The following ADGRG7 variants were observed in gnomAD, a reference collection of about 807,000 sequenced individuals.
ADGRG7 encodes G-protein coupled receptor 128.
A neutral mutation model predicts 88.6 loss-of-function variants in ADGRG7; 82 were observed. The ratio of observed to expected loss-of-function variants is 0.93; its 90% CI spans 0.77 to 1.11. The LOEUF (loss-of-function observed/expected upper bound fraction) is 1.11, where lower values mean the gene tolerates loss of function less well. Ranked by LOEUF, ADGRG7 falls within the 50% of genes most tolerant of loss-of-function variation. ADGRG7 has a pLI of 0.00. For synonymous variants in ADGRG7, 381 were observed against 345.2 expected, an observed-to-expected ratio of 1.10 and a Z score of -1.15; for missense variants, 945 against 953.4, an observed-to-expected ratio of 0.99 and a Z score of 0.12.
chr3:100,639,197 G>A (rs73145123), intron 6 of ADGRG7, among the ~76,000 whole-genome samples: 9,681 of 151,998 alleles, frequency 0.064, 542 homozygotes, highest in East Asian at 0.25. Flanking sequence ...CATTATATGT[G>A]TAAACTTTTA....
Position 100,654,947 on chromosome 3 carries a change from A to G in ADGRG7, c.1492A>G (p.Thr498Ala). Residue 498 changes from threonine (T) to alanine (A), a missense_variant, in exon 12 of 16, where the codon ACA (threonine) becomes GCA (alanine). By Grantham distance (58) the Thr-to-Ala change is moderately conservative. Coordinates refer to ENST00000273352, the MANE Select transcript of ADGRG7 (RefSeq NM_032787.3). ...GIENSNKNLQ[T>A]SDGDINNIDF... ...TGAAAACTCCAATAAGAACTTGCAGACAAGTGATGGTGACATCAATAATAT... is the reference window on the plus strand; with the variant it reads ...TGAAAACTCCAATAAGAACTTGCAGGCAAGTGATGGTGACATCAATAATAT... 4.3e-6 allele frequency: 7 copies of G among 1,614,008 alleles called. No homozygotes were observed. Among genetic ancestry groups the G allele is most frequent in the Non-Finnish European group, 5.1e-6 (6 of 1,179,848 alleles).
Position 100,636,750 on chromosome 3 carries a change from G to T in ADGRG7, c.598-552G>T, listed in dbSNP as rs191286370. Among the ~76,000 whole-genome samples, 270 of 152,306 alleles carry T rather than the reference G, an allele frequency of 1.8e-3. 1 individual carries two copies. Among genetic ancestry groups the T allele is most frequent in the African/African-American group, 6.1e-3 (253 of 41,566 alleles). Reference sequence around the variant, plus strand: ...ATTGACCTCCAAATGTAGAATTAATGGAAGGATTAACAAGTAGGCAGAAGG... The same window carrying T: ...ATTGACCTCCAAATGTAGAATTAATTGAAGGATTAACAAGTAGGCAGAAGG... On this transcript the variant is annotated intron_variant, in intron 5 of 15. Coordinates refer to ENST00000273352, the MANE Select transcript of ADGRG7 (RefSeq NM_032787.3).
chr3:100,675,326 T>A (rs535539834), intron 15 of ADGRG7, among the ~76,000 whole-genome samples: 14 of 152,188 alleles, frequency 9.2e-5, no homozygotes, highest in African/African-American at 1.7e-4. Context: ...TTTTATAAAA[T>A]TTTTTTTAGC....
intron 15 of ADGRG7, among the ~76,000 whole-genome samples, chr3:100,685,984 C>T (rs1362777790): frequency 2.0e-5 from 3 of 150,824 alleles, no homozygotes; most frequent in African/African-American, 4.8e-5. Context: ...AGTTTACAGT[C>T]CCACCAACAG....
chr3:100,640,114 C>T (rs1707613853), intron 6 of ADGRG7, among the ~76,000 whole-genome samples: 1 of 152,210 alleles, frequency 6.6e-6, no homozygotes, highest in Non-Finnish European at 1.5e-5. Flanking sequence ...GTCAGGTCAA[C>T]AACCCTTTAG....
intron 13 of ADGRG7, among the ~76,000 whole-genome samples, chr3:100,656,296 G>A (rs2094937436): frequency 6.6e-6 from 1 of 152,018 alleles, no homozygotes; most frequent in Admixed American, 6.5e-5. Flanking sequence ...ATTATCCTTA[G>A]TAATCCTATA....
chr3:100,618,675 G>T (rs1363609750), intron 1 of ADGRG7, among the ~76,000 whole-genome samples: 1 of 152,096 alleles, frequency 6.6e-6, no homozygotes, highest in African/African-American at 2.4e-5. Flanking sequence ...TGTTCTTTTG[G>T]CTTAGGATTG....
intron 15 of ADGRG7, among the ~76,000 whole-genome samples, chr3:100,686,691 T>A (rs1377649003): frequency 6.6e-6 from 1 of 152,208 alleles, no homozygotes; most frequent in East Asian, 1.9e-4. Context: ...GTTGTAGATA[T>A]GTGGCATTAT....
chr3:100,619,356 C>T (rs559848100), intron 1 of ADGRG7, among the ~76,000 whole-genome samples: 13 of 152,058 alleles, frequency 8.5e-5, no homozygotes, highest in Non-Finnish European at 1.3e-4. Flanking sequence ...TCTTTGAAAC[C>T]AACAAGAACA....
At chr3:100,686,939 G>A (rs1411628272) in intron 15 of ADGRG7, among the ~76,000 whole-genome samples, 1 of 152,098 alleles carries the variant, frequency 6.6e-6, no homozygotes, top group Admixed American at 6.6e-5. Context: ...AGCTTGATGG[G>A]GTTGGCATTG....
intron 14 of ADGRG7, among the ~76,000 whole-genome samples, chr3:100,660,479 C>A (rs969761228): frequency 3.3e-5 from 5 of 151,918 alleles, no homozygotes; most frequent in Non-Finnish European, 5.9e-5. Flanking sequence ...TAATCTTTTT[C>A]TGTTTTTTAT....
intron 6 of ADGRG7, among the ~76,000 whole-genome samples, chr3:100,641,043 C>T (rs899802414): frequency 4.6e-5 from 7 of 152,082 alleles, no homozygotes; most frequent in African/African-American, 1.2e-4. Context: ...AGAGATTTAT[C>T]GTAAATAGGC....
chr3:100,654,719 G>T (rs952654178), intron 11 of ADGRG7, 116 bp from the exon 12 acceptor site: 1 of 637,392 alleles, frequency 1.6e-6, no homozygotes. Context: ...ACTGGGCTAT[G>T]AACTGAACTT....
At chr3:100,662,427 T>C (rs1454543304) in intron 14 of ADGRG7, among the ~76,000 whole-genome samples, 1 of 152,202 alleles carries the variant, frequency 6.6e-6, no homozygotes, top group Non-Finnish European at 1.5e-5. Flanking sequence ...TTTGAACATT[T>C]ATTTTAGAAG....
intron 3 of ADGRG7, among the ~76,000 whole-genome samples, chr3:100,631,845 A>G (rs1433771771): frequency 2.6e-5 from 4 of 152,154 alleles, no homozygotes; most frequent in Non-Finnish European, 5.9e-5. Flanking sequence ...GCTTCCACCC[A>G]TATATATCAT....
chr3:100,678,028 T>C (rs981550680), intron 15 of ADGRG7, among the ~76,000 whole-genome samples: 1 of 152,150 alleles, frequency 6.6e-6, no homozygotes, highest in African/African-American at 2.4e-5. Flanking sequence ...GACCTCTCTC[T>C]ACCTCATCTT....
chr3:100,676,424 T>C (rs1256498957), intron 15 of ADGRG7, among the ~76,000 whole-genome samples: 5 of 152,154 alleles, frequency 3.3e-5, no homozygotes, highest in African/African-American at 1.2e-4. Context: ...ATACCTCTTG[T>C]TATTGATTTC....
intron 1 of ADGRG7, among the ~76,000 whole-genome samples, chr3:100,614,217 A>G (rs578193632): frequency 6.6e-6 from 1 of 152,280 alleles, no homozygotes; most frequent in Admixed American, 6.5e-5. Context: ...TCAAATTACC[A>G]ATCCAAAAGT....
chr3:100,654,610 T>A, intron 11 of ADGRG7: 1 of 426,630 alleles, frequency 2.3e-6, no homozygotes, highest in Admixed American at 4.0e-5. Context: ...AGAAAAGATA[T>A]GTCAACCTGT....
Sources: gnomAD v4.1 joint callset for allele counts (sites outside exome capture counted in the v4.1 genomes callset) on GRCh38, gnomAD v4.1.1 for gene constraint, MANE v1.5 for transcripts, NCBI Gene and HGNC (gene_info 2026-07-23, HGNC 2026-07-21) for gene names.